The following DSCAM variants were observed in gnomAD, a reference collection of about 807,000 sequenced individuals.
DSCAM encodes cell adhesion molecule DSCAM.
Under a neutral mutation model 217.7 loss-of-function variants are expected in DSCAM, and 47 were observed. That is an observed-to-expected ratio of 0.22 (90% CI 0.17 to 0.28). DSCAM has a LOEUF of 0.28. Ranked by LOEUF, DSCAM falls within the 10% of genes least tolerant of loss-of-function variation. The pLI is 1.00. For synonymous variants in DSCAM, 1,056 were observed against 1,015.3 expected, an observed-to-expected ratio of 1.04 and a Z score of -0.76; for missense variants, 2,080 against 2,618.3, an observed-to-expected ratio of 0.79 and a Z score of 4.49.
At position 40,080,282 on chromosome 21, in the gene DSCAM, G is replaced by C. The variant is rs1258072975; in HGVS notation, c.4290C>G (p.Ser1430Arg). 6.2e-7 allele frequency: 1 copy of C among 1,613,306 alleles called. No homozygotes were observed. Among genetic ancestry groups the C allele is most frequent in the Non-Finnish European group, 8.5e-7 (1 of 1,179,880 alleles). Residue 1430 changes from serine to arginine, a missense_variant, in exon 25 of 33, where the codon AGC becomes AGG. By Grantham distance (110) the Ser-to-Arg change is moderately radical (BLOSUM62 -1). Transcript: ENST00000400454. ...CCAAGCGATAGGAACGTTCGCTGGG[G>C]CTGATTGGAAAACTCCCCCACTGCT... The part of the protein sequence containing the change: ...NSEQWGSFPI[S>R]PSERSYRLEN...
At chr21:40,632,976 G>C (rs2089712291) in intron 3 of DSCAM, among the ~76,000 whole-genome samples, 1 of 152,116 alleles carries the variant, frequency 6.6e-6, no homozygotes, top group South Asian at 2.1e-4. Context: ...TTTGTCCTAA[G>C]AGAATTTATT....
intron 3 of DSCAM, among the ~76,000 whole-genome samples, chr21:40,652,767 T>C (rs1261662616): frequency 6.6e-6 from 1 of 152,192 alleles, no homozygotes; most frequent in South Asian, 2.1e-4. Flanking sequence ...GATAAAAGTG[T>C]CATTACAGAC....
chr21:40,254,981 G>C (rs549270956), intron 11 of DSCAM, among the ~76,000 whole-genome samples: 2 of 152,044 alleles, frequency 1.3e-5, no homozygotes, highest in South Asian at 2.1e-4. Context: ...TATAAGCTCC[G>C]TGTGGGTAAA....
At chr21:40,407,291 G>GGT (rs1467351236) in intron 3 of DSCAM, among the ~76,000 whole-genome samples, 4 of 152,046 alleles carry the variant, frequency 2.6e-5, no homozygotes, top group African/African-American at 9.7e-5. Flanking sequence ...CAATTTTTAT[G>GGT]TGTCCACTAA....
In DSCAM at chr21:40,461,201, T is replaced by A. The variant is rs1489912315; in HGVS notation, c.509-91956A>T. 2.0e-5 allele frequency among the ~76,000 whole-genome samples: 3 copies of A among 152,238 alleles called. No individual in the cohort carries two copies. In the East Asian group the frequency reaches 5.8e-4, roughly 29 times the overall value. ...TCTGCAAATAAATTATATATTTGCA[T>A]ATGCTTATACATGCATAGAGTAGCT... On this transcript the variant is annotated intron_variant, in intron 3 of 32. Transcript: ENST00000400454.
At chr21:40,077,302 GA>G (rs2089379928) in intron 26 of DSCAM, among the ~76,000 whole-genome samples, 2 of 152,218 alleles carry the variant, frequency 1.3e-5, no homozygotes, top group Non-Finnish European at 1.5e-5. Flanking sequence ...CTCTGGCAGA[GA>G]AGGATGTTGT....
At chr21:40,595,600 C>T (rs1201753443) in intron 3 of DSCAM, among the ~76,000 whole-genome samples, 4 of 152,140 alleles carry the variant, frequency 2.6e-5, no homozygotes, top group Non-Finnish European at 4.4e-5. Flanking sequence ...GGGAACACAA[C>T]CTTTGTAGCT....
chr21:40,112,435 A>T (rs1181309192), intron 20 of DSCAM, among the ~76,000 whole-genome samples: 1 of 152,196 alleles, frequency 6.6e-6, no homozygotes, highest in Non-Finnish European at 1.5e-5. Context: ...AAGGAAATTT[A>T]TAGCACTAAA....
At chr21:40,058,535 A>T (rs2089065202) in intron 28 of DSCAM, among the ~76,000 whole-genome samples, 1 of 152,202 alleles carries the variant, frequency 6.6e-6, no homozygotes, top group Admixed American at 6.5e-5. Flanking sequence ...GTAGGTGCTC[A>T]ATAAATATCT....
chr21:40,639,536 T>TA (rs2089851441), intron 3 of DSCAM, among the ~76,000 whole-genome samples: 1 of 152,160 alleles, frequency 6.6e-6, no homozygotes, highest in African/African-American at 2.4e-5. Context: ...GAAATGTGAA[T>TA]AACAAATCAG....
chr21:40,788,387 C>CT (rs895298255), intron 1 of DSCAM, among the ~76,000 whole-genome samples: 26 of 152,120 alleles, frequency 1.7e-4, no homozygotes, highest in Non-Finnish European at 3.5e-4. Context: ...TAAAGTGTAA[C>CT]TTTTTTTTAA....
chr21:40,208,499 G>T (rs2091149187), intron 11 of DSCAM, among the ~76,000 whole-genome samples: 1 of 152,128 alleles, frequency 6.6e-6, no homozygotes, highest in Non-Finnish European at 1.5e-5. Context: ...AATCTCAAAG[G>T]GTTTTCGGTT....
At chr21:40,015,994 C>A (rs1022255783) in intron 32 of DSCAM, among the ~76,000 whole-genome samples, 1 of 152,182 alleles carries the variant, frequency 6.6e-6, no homozygotes, top group African/African-American at 2.4e-5. Context: ...TGGGATGAAC[C>A]CAGGGAGCTG....
intron 19 of DSCAM, 80 bp downstream of exon 19, chr21:40,133,774 T>G: frequency 6.7e-7 from 1 of 1,489,190 alleles, no homozygotes; most frequent in East Asian, 2.4e-5. Context: ...CCTGATGAAC[T>G]GCAGGGTAAA....
intron 3 of DSCAM, among the ~76,000 whole-genome samples, chr21:40,461,410 T>TG (rs1356062772): frequency 2.0e-5 from 3 of 152,178 alleles, no homozygotes; most frequent in Non-Finnish European, 2.9e-5. Flanking sequence ...TAGGTAGCCC[T>TG]GCCACAAATA....
intron 12 of DSCAM, 73 bp downstream of exon 12, chr21:40,188,969 C>T (rs943574554): frequency 2.2e-5 from 32 of 1,481,312 alleles, no homozygotes; most frequent in South Asian, 2.1e-4. Flanking sequence ...TATCTGCACC[C>T]GCTTCTGTGA....
intron 8 of DSCAM, among the ~76,000 whole-genome samples, chr21:40,332,211 T>A (rs1178672768): frequency 6.6e-6 from 1 of 152,250 alleles, no homozygotes; most frequent in Admixed American, 6.5e-5. Flanking sequence ...CTTGACTTTT[T>A]AAATAGCTTT....
chr21:40,067,577 G>T (rs2089225927), intron 27 of DSCAM, among the ~76,000 whole-genome samples: 1 of 152,038 alleles, frequency 6.6e-6, no homozygotes, highest in Non-Finnish European at 1.5e-5. Context: ...TGTAAACATT[G>T]TCTGCAAAAA....
chr21:40,126,888 T>A (rs144586882), intron 19 of DSCAM, among the ~76,000 whole-genome samples: 1 of 152,312 alleles, frequency 6.6e-6, no homozygotes, highest in East Asian at 1.9e-4. Context: ...AACACGGCAT[T>A]TTGGAAGGTT....
Sources: allele counts gnomAD v4.1 joint callset (sites outside exome capture counted in the v4.1 genomes callset), GRCh38; gene constraint gnomAD v4.1.1; transcripts MANE v1.5; gene names NCBI Gene and HGNC (gene_info 2026-07-23, HGNC 2026-07-21).